Variants in AP1G1 observed in about 807,000 individuals in gnomAD.
AP1G1 encodes the protein adaptor related protein complex 1 subunit gamma 1, also known as AP-1 complex subunit gamma-1.
Under a neutral mutation model 108.3 loss-of-function variants are expected in AP1G1, and 7 were observed. That is an observed-to-expected ratio of 0.06 (90% confidence interval 0.04 to 0.12). The LOEUF is 0.12. Among genes scored for constraint, AP1G1 ranks in the 10% least tolerant of loss-of-function variants. The probability of loss-of-function intolerance (pLI) is 1.00; values close to 1 mark genes in which losing one functional copy is unlikely to be tolerated. For missense variants in AP1G1, 756 were observed against 1,010.7 expected (o/e 0.75, Z 3.42); for synonymous variants, 379 against 353.5 (o/e 1.07, Z -0.81).
intron 1 of AP1G1, among the ~76,000 whole-genome samples, chr16:71,795,526 C>CAAA (rs2032554580): frequency 6.6e-6 from 1 of 152,166 alleles, no homozygotes; most frequent in Non-Finnish European, 1.5e-5. Flanking sequence ...ACCATGCTTT[C>CAAA]CCTCTTGCAT....
intron 21 of AP1G1, among the ~76,000 whole-genome samples, chr16:71,735,577 G>A (rs993259920): frequency 1.3e-5 from 2 of 151,544 alleles, no homozygotes; most frequent in African/African-American, 4.9e-5. Flanking sequence ...CAGGAGAATC[G>A]CTTGAACCCA....
At chr16:71,768,806 T>C (rs527582619) in intron 6 of AP1G1, among the ~76,000 whole-genome samples, 9 of 147,568 alleles carry the variant, frequency 6.1e-5, no homozygotes, top group Non-Finnish European at 8.9e-5. Flanking sequence ...TCCCAGCTAC[T>C]TGGGAGGCTG....
chr16:71,785,139 A>G (rs183571524), intron 2 of AP1G1, among the ~76,000 whole-genome samples: 5 of 151,886 alleles, frequency 3.3e-5, no homozygotes, highest in Non-Finnish European at 7.4e-5. Context: ...CTTACAGCAC[A>G]TCTCAATTTG....
At chr16:71,736,752 ATTTTTT>A (rs10590605) in intron 21 of AP1G1, among the ~76,000 whole-genome samples, 1 of 123,946 alleles carries the variant, frequency 8.1e-6, no homozygotes, top group Non-Finnish European at 1.6e-5. Flanking sequence ...CGCCCGGCTA[ATTTTTT>A]TTTTTTTTTT....
intron 3 of AP1G1, 92 bp downstream of exon 3, chr16:71,774,376 C>A: frequency 1.4e-6 from 2 of 1,433,590 alleles, no homozygotes; most frequent in East Asian, 2.4e-5. Context: ...TTCACTCCAG[C>A]CTGGGCAAAA....
At chr16:71,793,604 A>G (rs958662841) in intron 1 of AP1G1, among the ~76,000 whole-genome samples, 5 of 152,230 alleles carry the variant, frequency 3.3e-5, no homozygotes, top group African/African-American at 1.2e-4. Context: ...TTAGTGTGTA[A>G]CCAAAAAGTA....
In AP1G1 at chr16:71,786,390, T is replaced by C. The variant is rs117164137; in HGVS notation, c.201+2889A>G. On this transcript the variant is annotated intron_variant, in intron 2 of 22. Transcript: ENST00000299980. ...CCTATAATCACAGCACTTTGGGAGG[T>C]TGAGGCCCAAAGATCACTTGAGCCC... 4.5e-3 allele frequency among the ~76,000 whole-genome samples: 692 copies of C among 152,168 alleles called. 2 individuals are homozygous for C. The highest frequency in any genetic ancestry group is 7.2e-3 in the Non-Finnish European group (487 of 68,006).
intron 16 of AP1G1, chr16:71,747,215 T>C (rs929335577): frequency 2.0e-5 from 3 of 152,184 alleles, no homozygotes; most frequent in East Asian, 1.9e-4. Flanking sequence ...TGGCCTTAAA[T>C]ATGCTTGGGT....
At chr16:71,754,240 AAAGAG>A (rs977965216) in intron 12 of AP1G1, among the ~76,000 whole-genome samples, 18 of 151,676 alleles carry the variant, frequency 1.2e-4, no homozygotes, top group African/African-American at 2.2e-4. Flanking sequence ...GAAAGGGAAG[AAAGAG>A]AAGAGAAGAA....
intron 1 of AP1G1, among the ~76,000 whole-genome samples, chr16:71,800,995 C>CA (rs1392642294): frequency 2.0e-5 from 3 of 151,766 alleles, no homozygotes; most frequent in African/African-American, 7.3e-5. Context: ...AACTCCGTCT[C>CA]AAAAAAACAA....
Position 71,773,344 on chromosome 16 carries a change from C to A in AP1G1, c.345G>T (p.Thr115=). The A allele has an allele frequency of 6.5e-7, 1 of 1,544,844 alleles. No individual in the cohort carries two copies. The highest frequency in any genetic ancestry group is 8.7e-7 in the Non-Finnish European group (1 of 1,153,798). The part of the protein sequence containing the change: ...NCIKNDLNHS[T]QFVQGLALCT... ...AAAGTGCTAACCCCTGTACGAATTG[C>A]GTGCTATGATTAAGATCACTGCAAA... The change falls in exon 4 of 23, where the codon ACG becomes ACT. Residue 115 remains threonine, a synonymous_variant. Transcript: ENST00000299980.
chr16:71,742,180 G>A (rs1008219412), intron 19 of AP1G1: 2 of 151,850 alleles, frequency 1.3e-5, no homozygotes, highest in Admixed American at 6.6e-5. Flanking sequence ...AAGACAGTAG[G>A]AACAAAAAGA....
At chr16:71,805,791 T>C (rs1228792706) in intron 1 of AP1G1, among the ~76,000 whole-genome samples, 1 of 152,182 alleles carries the variant, frequency 6.6e-6, no homozygotes, top group South Asian at 2.1e-4. Context: ...TCTCAGCACT[T>C]TGCGAGGCCG....
intron 19 of AP1G1, among the ~76,000 whole-genome samples, chr16:71,739,653 G>T (rs932809527): frequency 2.0e-5 from 3 of 151,752 alleles, no homozygotes; most frequent in Non-Finnish European, 2.9e-5. Context: ...TTGGGAGACT[G>T]CAGTGGGAGG....
intron 19 of AP1G1, among the ~76,000 whole-genome samples, chr16:71,741,456 G>A (rs139057758): frequency 1.1e-3 from 172 of 152,176 alleles, no homozygotes; most frequent in African/African-American, 4.0e-3. Flanking sequence ...GGTGGCACGC[G>A]CCTATAGTCC....
chr16:71,764,634 T>C lies in AP1G1; in HGVS notation c.819+12A>G, dbSNP rs1567650727. 3 of 1,552,886 alleles carry C rather than the reference T, an allele frequency of 1.9e-6. No individual in the cohort carries two copies. The highest frequency in any genetic ancestry group is 1.4e-5 in the African/African-American group (1 of 72,422). The stretch of plus-strand genomic sequence containing the variant: ...AAAATAAATATATATTTAATATGTT[T>C]GGTCTACTCACCTGTGCTAATATAT... On this transcript the variant is annotated intron_variant, in intron 8 of 22. Transcript: ENST00000299980.
chr16:71,800,607 C>T (rs1296121368), intron 1 of AP1G1, among the ~76,000 whole-genome samples: 2 of 151,058 alleles, frequency 1.3e-5, no homozygotes, highest in East Asian at 3.9e-4. Flanking sequence ...GGAGACCATC[C>T]TGGCTAACAT....
chr16:71,779,479 T>C (rs1423103048), intron 2 of AP1G1, among the ~76,000 whole-genome samples: 1 of 151,968 alleles, frequency 6.6e-6, no homozygotes, highest in Non-Finnish European at 1.5e-5. Flanking sequence ...TAGCTGGAAC[T>C]ACAGATGCGT....
In AP1G1 at chr16:71,729,796, G is replaced by A. The variant is rs555503988; in HGVS notation, c.*3262C>T. The stretch of plus-strand genomic sequence containing the variant: ...ATGAACACCCACTTTTTCCTCTCTA[G>A]TTTTCTCAGTTTAGGACACTGTGGT... On this transcript the variant is annotated 3_prime_UTR_variant, in exon 23 of 23. Coordinates refer to ENST00000299980, the MANE Select transcript of AP1G1 (RefSeq NM_001128.6). 1 of 152,660 alleles carries A rather than the reference G, an allele frequency of 6.6e-6. No individual in the cohort carries two copies. Among genetic ancestry groups the A allele is most frequent in the South Asian group, 2.1e-4 (1 of 4,826 alleles). 9.5% of individuals were successfully genotyped at this position (152,660 alleles called of 1,614,324 possible). A position where few individuals can be genotyped will look rare whatever the true frequency, so the allele number is the denominator to read the frequency against.
Sources: gnomAD v4.1 joint callset for allele counts (sites outside exome capture counted in the v4.1 genomes callset) on GRCh38, gnomAD v4.1.1 for gene constraint, MANE v1.5 for transcripts, NCBI Gene and HGNC (gene_info 2026-07-23, HGNC 2026-07-21) for gene names.